RDH11: variants seen among roughly 807,000 people sequenced by gnomAD.
RDH11 encodes the protein retinol dehydrogenase 11.
RDH11 carries 19 observed loss-of-function variants against 33.4 expected under a neutral mutation model. The observed-to-expected ratio is 0.57, with a 90% CI of 0.40 to 0.83. RDH11 has a LOEUF of 0.83. Ranked by LOEUF, RDH11 falls within the 40% of genes least tolerant of loss-of-function variation. The pLI is 0.00. For synonymous variants in RDH11, 154 were observed against 155.3 expected (o/e 0.99, Z 0.06); for missense variants, 353 against 389.0 (o/e 0.91, Z 0.78).
intron 2 of RDH11, 54 bp downstream of exon 2, chr14:67,692,880 C>T (rs1264647691): frequency 1.6e-6 from 2 of 1,215,796 alleles, no homozygotes; most frequent in African/African-American, 3.0e-5. Flanking sequence ...ATCATCATTA[C>T]TGTGAGGGGT....
chr14:67,684,868 T>C (rs2037657267), intron 6 of RDH11, 147 bp downstream of exon 6: 1 of 540,102 alleles, frequency 1.9e-6, no homozygotes, highest in Non-Finnish European at 3.2e-6. Flanking sequence ...GAGAGTCAAA[T>C]TCCCCTACTA....
At chr14:67,690,497 C>A in intron 4 of RDH11, 76 bp from the exon 5 acceptor site, 2 of 1,158,774 alleles carry the variant, frequency 1.7e-6, no homozygotes, top group Admixed American at 1.9e-5. Context: ...CAGGCCTCAC[C>A]TATGGGAGGC....
At chr14:67,680,608 G>A (rs879107943) in intron 6 of RDH11, among the ~76,000 whole-genome samples, 4 of 152,100 alleles carry the variant, frequency 2.6e-5, no homozygotes, top group Admixed American at 1.3e-4. Flanking sequence ...ACAGGGACAC[G>A]CCACCACGCC....
intron 6 of RDH11, among the ~76,000 whole-genome samples, chr14:67,683,613 G>A (rs916579534): frequency 6.6e-6 from 1 of 152,214 alleles, no homozygotes; most frequent in South Asian, 2.1e-4. Flanking sequence ...CTAATCAAAA[G>A]AGTAAAAATG....
At chr14:67,693,121 C>T (rs1370976459) in intron 1 of RDH11, 69 bp from the exon 2 acceptor site, 1 of 998,478 alleles carries the variant, frequency 1.0e-6, no homozygotes, top group African/African-American at 1.6e-5. Flanking sequence ...TCCTGCAACT[C>T]CCTGTGTCTT....
chr14:67,685,214 G>A lies in RDH11; in HGVS notation c.665-10C>T, dbSNP rs747476784. On this transcript the variant is annotated splice_polypyrimidine_tract_variant and intron_variant, in intron 5 of 6. Coordinates refer to ENST00000381346, the MANE Select transcript of RDH11 (RefSeq NM_016026.4). ...GTCGTAACGCCAGAGCCTGGTTGGG[G>A]GTGGCATGAAGAGAGGGTAAGACAG... 5 of 1,606,346 alleles carry A rather than the reference G, an allele frequency of 3.1e-6. No homozygotes were observed. The Admixed American group carries it at 5.1e-5, about 16-fold the overall frequency.
chr14:67,692,377 A>G, intron 3 of RDH11, 61 bp downstream of exon 3: 1 of 1,562,666 alleles, frequency 6.4e-7, no homozygotes. Flanking sequence ...TTTTCCTTTT[A>G]GTTGAATCTG....
In RDH11 at chr14:67,695,763, T is replaced by C; in HGVS notation, c.-60A>G. On this transcript the variant is annotated 5_prime_UTR_variant, in exon 1 of 7. Transcript: ENST00000381346. ...TCCAGCGTTGCTCGCCGACTATGGC[T>C]TCTCTTTCTAGACACGCCCCAATTC... 1 of 1,518,644 alleles carries C rather than the reference T, an allele frequency of 6.6e-7. No individual in the cohort carries two copies. Among genetic ancestry groups the C allele is most frequent in the Non-Finnish European group, 9.1e-7 (1 of 1,098,148 alleles). The allele number at this position is 1,518,644 out of a possible 1,614,324, so 94.1% of individuals were successfully genotyped here.
chr14:67,681,118 G>A lies in RDH11; in HGVS notation c.855-2695C>T, dbSNP rs576946879. Among the ~76,000 whole-genome samples the A allele has an allele frequency of 3.9e-5, 6 of 152,266 alleles. No individual in the cohort carries two copies. In the South Asian group the frequency reaches 8.3e-4, roughly 21 times the overall value. On this transcript the variant is annotated intron_variant, in intron 6 of 6. Coordinates refer to ENST00000381346, the MANE Select transcript of RDH11 (RefSeq NM_016026.4). ...TAAGGTTAAATGAGGTCATCAGGGC[G>A]GGGCCCTAATCCAACAGGGCCTTAT...
At chr14:67,694,295 C>T (rs191706180) in intron 1 of RDH11, among the ~76,000 whole-genome samples, 1 of 152,022 alleles carries the variant, frequency 6.6e-6, no homozygotes, top group South Asian at 2.1e-4. Context: ...GTATGTAGCT[C>T]CAGGAGTGAC....
At position 67,679,269 on chromosome 14, in the gene RDH11, T is replaced by C. The variant is rs1009721921; in HGVS notation, c.855-846A>G. Among the ~76,000 whole-genome samples the C allele has an allele frequency of 3.3e-5, 5 of 152,218 alleles. No homozygotes were observed. The South Asian group carries it at 1.0e-3, about 32-fold the overall frequency. ...TGAGGGCTGCCCTTGTGACCTAATTTACCTCTTAAAGGCCCTGCCTCTCTA... is the reference window on the plus strand; with the variant it reads ...TGAGGGCTGCCCTTGTGACCTAATTCACCTCTTAAAGGCCCTGCCTCTCTA... On this transcript the variant is annotated intron_variant, in intron 6 of 6. Coordinates refer to ENST00000381346, the MANE Select transcript of RDH11 (RefSeq NM_016026.4).
intron 2 of RDH11, 78 bp from the exon 3 acceptor site, chr14:67,692,671 A>G: frequency 1.3e-6 from 2 of 1,487,584 alleles, no homozygotes; most frequent in Non-Finnish European, 1.8e-6. Context: ...TATTTCCAAC[A>G]TTTTTTTAAA....
At chr14:67,679,738 T>C (rs1382013574) in intron 6 of RDH11, among the ~76,000 whole-genome samples, 3 of 152,170 alleles carry the variant, frequency 2.0e-5, no homozygotes, top group Non-Finnish European at 4.4e-5. Context: ...ATAATTCCGA[T>C]GCAGAAAATT....
Position 67,690,249 on chromosome 14 carries a change from G to A in RDH11, c.627C>T (p.Asn209=), listed in dbSNP as rs538120168. The A allele has an allele frequency of 1.2e-5, 20 of 1,614,008 alleles. No individual in the cohort carries two copies. The South Asian group carries it at 2.0e-4, about 16-fold the overall frequency. The change falls in exon 5 of 7, where the codon AAC becomes AAT. Residue 209 remains asparagine, a synonymous_variant. Coordinates refer to ENST00000381346, the MANE Select transcript of RDH11 (RefSeq NM_016026.4). ...GGGCCAGTTCCTGGGTGAAGAGGAT[G>A]TTGGCTAGCTTGCTGTGACAGTAGG... is the stretch of plus-strand genomic sequence containing the variant. ...GLAYCHSKLA[N]ILFTQELARR...
In RDH11 at chr14:67,685,210, TG is replaced by T. The variant is rs906345937; in HGVS notation, c.665-7del. The T allele has an allele frequency of 2.5e-6, 4 of 1,608,478 alleles. No homozygotes were observed. Among genetic ancestry groups the T allele is most frequent in the Non-Finnish European group, 3.4e-6 (4 of 1,176,960 alleles). ...ATACGTCGTAACGCCAGAGCCTGGT[TG>T]GGGGTGGCATGAAGAGAGGGTAAGA... On this transcript the variant is annotated splice_polypyrimidine_tract_variant and splice_region_variant and intron_variant, in intron 5 of 6. Coordinates refer to ENST00000381346, the MANE Select transcript of RDH11 (RefSeq NM_016026.4).
At chr14:67,693,861 G>C (rs1216776968) in intron 1 of RDH11, among the ~76,000 whole-genome samples, 1 of 152,120 alleles carries the variant, frequency 6.6e-6, no homozygotes, top group African/African-American at 2.4e-5. Flanking sequence ...ACGCTGGCCA[G>C]GATGGTCTCG....
chr14:67,679,176 A>G (rs1402926012), intron 6 of RDH11, among the ~76,000 whole-genome samples: 1 of 152,216 alleles, frequency 6.6e-6, no homozygotes, highest in Non-Finnish European at 1.5e-5. Flanking sequence ...GACACAAGTC[A>G]TCCTTTAATA....
chr14:67,684,293 G>A (rs1218777656), intron 6 of RDH11, among the ~76,000 whole-genome samples: 2 of 152,120 alleles, frequency 1.3e-5, no homozygotes, highest in Admixed American at 6.6e-5. Flanking sequence ...ACCTGAAGTA[G>A]AGGTAAAAAC....
chr14:67,683,424 T>C (rs560101489), intron 6 of RDH11, among the ~76,000 whole-genome samples: 4 of 152,324 alleles, frequency 2.6e-5, no homozygotes, highest in African/African-American at 9.6e-5. Context: ...CTTGCATGCC[T>C]TATAGATAAC....
Sources: allele counts gnomAD v4.1 joint callset (sites outside exome capture counted in the v4.1 genomes callset), GRCh38; gene constraint gnomAD v4.1.1; transcripts MANE v1.5; gene names NCBI Gene and HGNC (gene_info 2026-07-23, HGNC 2026-07-21).